The following CCDC50 variants were observed in gnomAD, a reference collection of about 807,000 sequenced individuals.
CCDC50 encodes coiled-coil domain-containing protein 50.
Under a neutral mutation model 70.2 loss-of-function variants are expected in CCDC50, and 54 were observed. The ratio of observed to expected loss-of-function variants is 0.77; its 90% CI spans 0.62 to 0.96. The LOEUF is 0.96. Among genes scored for constraint, CCDC50 ranks in the 50% least tolerant of loss-of-function variants. CCDC50 has a pLI of 0.00. For missense variants in CCDC50, 558 were observed against 578.7 expected (o/e 0.96, Z 0.37); for synonymous variants, 216 against 198.8 (o/e 1.09, Z -0.73).
At chr3:191,338,654 C>G (rs1340763009) in intron 1 of CCDC50, among the ~76,000 whole-genome samples, 1 of 152,220 alleles carries the variant, frequency 6.6e-6, no homozygotes, top group Non-Finnish European at 1.5e-5. Flanking sequence ...GGTGGATCCA[C>G]AAATCATTCC....
intron 1 of CCDC50, 88 bp downstream of exon 1, chr3:191,329,811 C>A: frequency 7.1e-7 from 1 of 1,408,006 alleles, no homozygotes; most frequent in Non-Finnish European, 9.8e-7. Context: ...ATTTCGGCTC[C>A]CGCGGCCCTC....
At chr3:191,374,987 C>A (rs113203739) in intron 5 of CCDC50, 75 bp from the exon 6 acceptor site, 6 of 1,447,660 alleles carry the variant, frequency 4.1e-6, no homozygotes, top group African/African-American at 2.8e-5. Flanking sequence ...CAGACTCCCC[C>A]CTGTGTAGTG....
chr3:191,369,970 AAG>A lies in CCDC50; in HGVS notation c.384_385del (p.Lys129ThrfsTer14). The A allele has an allele frequency of 6.2e-7, 1 of 1,613,626 alleles. No homozygotes were observed. The highest frequency in any genetic ancestry group is 8.5e-7 in the Non-Finnish European group (1 of 1,179,666). On this transcript the variant is annotated frameshift_variant, in exon 5 of 12. Transcript: ENST00000392455. LOFTEE classifies it high-confidence loss of function. ...EKELQEEKKR[K>X]KHFPEFPATR... ...GGAGTTACAGGAAGAGAAAAAGAGA[AAG>A]AAACACTTTCCAGAGTTCCCTGCAA... is the stretch of plus-strand genomic sequence containing the variant.
chr3:191,389,038 A>C (rs1713593931), intron 10 of CCDC50, among the ~76,000 whole-genome samples: 1 of 151,880 alleles, frequency 6.6e-6, no homozygotes, highest in African/African-American at 2.4e-5. Flanking sequence ...TTGCTCATGA[A>C]ATTTTGTTTC....
At chr3:191,367,148 G>T (rs183939832) in intron 4 of CCDC50, among the ~76,000 whole-genome samples, 14 of 152,032 alleles carry the variant, frequency 9.2e-5, no homozygotes, top group Admixed American at 3.9e-4. Context: ...AAAAGGTTTG[G>T]GTGCTAAGGT....
chr3:191,364,382 T>TC (rs1406506070), intron 4 of CCDC50, among the ~76,000 whole-genome samples: 1 of 149,250 alleles, frequency 6.7e-6, no homozygotes, highest in Non-Finnish European at 1.5e-5. Context: ...TTTTTTTTTT[T>TC]CCCCTTCCCT....
At chr3:191,361,195 A>G (rs779928362) in intron 4 of CCDC50, 36 bp downstream of exon 4, 3 of 1,494,554 alleles carry the variant, frequency 2.0e-6, no homozygotes, top group Non-Finnish European at 2.8e-6. Context: ...CCTCATGGAG[A>G]AAGGGGTGCT....
At chr3:191,360,560 A>G (rs980893206) in intron 3 of CCDC50, among the ~76,000 whole-genome samples, 2 of 152,248 alleles carry the variant, frequency 1.3e-5, no homozygotes, top group East Asian at 1.9e-4. Flanking sequence ...AGTGAAGGAA[A>G]AGAAGAAATA....
At chr3:191,382,499 GA>G (rs1333573207) in intron 9 of CCDC50, among the ~76,000 whole-genome samples, 1 of 152,240 alleles carries the variant, frequency 6.6e-6, no homozygotes, top group Non-Finnish European at 1.5e-5. Flanking sequence ...GCTTTCAGAT[GA>G]GTGGGCTAAA....
intron 1 of CCDC50, 61 bp downstream of exon 1, chr3:191,329,784 A>T: frequency 6.4e-7 from 1 of 1,556,596 alleles, no homozygotes. Context: ...AGGTTCTCTC[A>T]GGTCAGGGGC....
At chr3:191,334,779 T>C (rs1239881315) in intron 1 of CCDC50, among the ~76,000 whole-genome samples, 1 of 152,210 alleles carries the variant, frequency 6.6e-6, no homozygotes, top group African/African-American at 2.4e-5. Context: ...ATTTATGTGA[T>C]ATGCCATATG....
At position 191,370,038 on chromosome 3, in the gene CCDC50, T is replaced by G; in HGVS notation, c.448+2T>G. On this transcript the variant is annotated splice_donor_variant, in intron 5 of 11. Coordinates refer to ENST00000392455, the MANE Select transcript of CCDC50 (RefSeq NM_178335.3). LOFTEE classifies it high-confidence loss of function. ...ATAGTTACTATTATGAAGATGGAGG[T>G]AACAATTCCTGCATCATGATCTATT... 3.8e-4 allele frequency: 527 copies of G among 1,392,558 alleles called. No individual in the cohort carries two copies. Among genetic ancestry groups the G allele is most frequent in the Non-Finnish European group, 4.9e-4 (483 of 978,924 alleles). 86.3% of individuals were successfully genotyped at this position (1,392,558 alleles called of 1,614,324 possible). A position where few individuals can be genotyped will look rare whatever the true frequency, so the allele number is the denominator to read the frequency against.
intron 1 of CCDC50, among the ~76,000 whole-genome samples, chr3:191,341,748 A>T (rs1161793688): frequency 2.6e-5 from 4 of 152,200 alleles, no homozygotes; most frequent in African/African-American, 9.6e-5. Flanking sequence ...CACTCTTGTG[A>T]AACTGCATGG....
At chr3:191,381,439 A>G (rs1421464190) in intron 9 of CCDC50, among the ~76,000 whole-genome samples, 1 of 152,160 alleles carries the variant, frequency 6.6e-6, no homozygotes, top group African/African-American at 2.4e-5. Flanking sequence ...AGACCTATCT[A>G]GCGTGAGTTT....
chr3:191,343,249 A>G (rs541108031), intron 1 of CCDC50, among the ~76,000 whole-genome samples: 1 of 152,306 alleles, frequency 6.6e-6, no homozygotes, highest in African/African-American at 2.4e-5. Flanking sequence ...CTCATATTAC[A>G]GGGGCGTAAA....
intron 3 of CCDC50, among the ~76,000 whole-genome samples, chr3:191,359,443 A>T (rs942765734): frequency 6.6e-6 from 1 of 152,204 alleles, no homozygotes; most frequent in African/African-American, 2.4e-5. Flanking sequence ...ACGATAAGTT[A>T]TGTTAAAGAT....
chr3:191,389,456 G>A lies in CCDC50; in HGVS notation c.1323-40G>A, dbSNP rs368178360. On this transcript the variant is annotated intron_variant, in intron 10 of 11. Coordinates refer to ENST00000392455, the MANE Select transcript of CCDC50 (RefSeq NM_178335.3). Reference sequence around the variant, plus strand: ...TAAGAGGGGTGGAGTTGTAGTAAGCGTTACTTAGAATGCCCCTTTAAATTC... The same window carrying A: ...TAAGAGGGGTGGAGTTGTAGTAAGCATTACTTAGAATGCCCCTTTAAATTC... The A allele has an allele frequency of 1.7e-4, 264 of 1,516,384 alleles. No individual in the cohort carries two copies. In the East Asian group the frequency reaches 4.9e-3, roughly 28 times the overall value. 93.9% of individuals were successfully genotyped at this position (1,516,384 alleles called of 1,614,324 possible). A position where few individuals can be genotyped will look rare whatever the true frequency, so the allele number is the denominator to read the frequency against.
At chr3:191,333,577 G>A (rs565079068) in intron 1 of CCDC50, among the ~76,000 whole-genome samples, 1 of 152,248 alleles carries the variant, frequency 6.6e-6, no homozygotes, top group African/African-American at 2.4e-5. Context: ...ACCCTGGCTG[G>A]ATCTCTTGGA....
chr3:191,347,508 A>G (rs1644387655), intron 1 of CCDC50, among the ~76,000 whole-genome samples: 3 of 141,716 alleles, frequency 2.1e-5, no homozygotes, highest in South Asian at 4.4e-4. Flanking sequence ...GTATACACAC[A>G]TTTTTCTTGA....
Sources: allele counts gnomAD v4.1 joint callset (sites outside exome capture counted in the v4.1 genomes callset), GRCh38; gene constraint gnomAD v4.1.1; transcripts MANE v1.5; gene names NCBI Gene and HGNC (gene_info 2026-07-23, HGNC 2026-07-21).